Variants in ATG7 observed in about 807,000 individuals in gnomAD.
ATG7 encodes autophagy related 7, also known as ubiquitin-like modifier-activating enzyme ATG7.
ATG7 carries 70 observed loss-of-function variants against 82.4 expected under a neutral mutation model. The observed-to-expected ratio is 0.85, with a 90% CI of 0.70 to 1.04. The LOEUF is 1.04. Among genes scored for constraint, ATG7 ranks in the 50% least tolerant of loss-of-function variants. The pLI, the probability that ATG7 is intolerant of heterozygous loss-of-function variation, is 0.00. For missense variants in ATG7, 792 were observed against 864.3 expected, an observed-to-expected ratio of 0.92 and a Z score of 1.05; for synonymous variants, 287 against 313.0, an observed-to-expected ratio of 0.92 and a Z score of 0.88.
chr3:11,502,384 C>T (rs866059572), intron 20 of ATG7, among the ~76,000 whole-genome samples: 1,293 of 110,146 alleles, frequency 0.012, 15 homozygotes, highest in Middle Eastern at 0.031. Context: ...CTCCCCCCAC[C>T]CCACAACAGT....
At chr3:11,538,044 C>G (rs113124207) in intron 20 of ATG7, among the ~76,000 whole-genome samples, 1 of 152,180 alleles carries the variant, frequency 6.6e-6, no homozygotes, top group Non-Finnish European at 1.5e-5. Flanking sequence ...GTGTGGGATT[C>G]CAGATGACCC....
intron 19 of ATG7, among the ~76,000 whole-genome samples, chr3:11,424,290 T>A (rs1186890100): frequency 6.6e-6 from 1 of 152,134 alleles, no homozygotes; most frequent in African/African-American, 2.4e-5. Flanking sequence ...TATTTAAAAT[T>A]GTCTAATTTT....
chr3:11,477,137 C>A, intron 20 of ATG7: 1 of 1,289,822 alleles, frequency 7.8e-7, no homozygotes, highest in South Asian at 1.2e-5. Context: ...CTGCCAGCAT[C>A]TTTGAGATCT....
At chr3:11,316,199 T>C (rs1310197822) in intron 9 of ATG7, among the ~76,000 whole-genome samples, 1 of 152,180 alleles carries the variant, frequency 6.6e-6, no homozygotes, top group Non-Finnish European at 1.5e-5. Flanking sequence ...AGAATCTCCC[T>C]TGAACTACCC....
chr3:11,343,492 C>A (rs1953994015), intron 13 of ATG7, among the ~76,000 whole-genome samples: 2 of 152,150 alleles, frequency 1.3e-5, no homozygotes, highest in Admixed American at 6.5e-5. Context: ...GGGCAATTAA[C>A]CTTTTTTCTG....
chr3:11,568,982 C>G, the ATG7 span: 5 of 1,131,724 alleles, frequency 4.4e-6, no homozygotes, highest in African/African-American at 8.1e-5. The surrounding 1 kb of genome is among the most constrained non-coding windows in gnomAD (Gnocchi z 5.9). Context: ...GAAAGAGAGG[C>G]CTACAACACC....
intron 20 of ATG7, among the ~76,000 whole-genome samples, chr3:11,481,365 CTT>C (rs1203131426): frequency 6.6e-6 from 1 of 152,142 alleles, no homozygotes; most frequent in Non-Finnish European, 1.5e-5. Flanking sequence ...GGTTCTTACA[CTT>C]TTTTAAAGTC....
intron 20 of ATG7, among the ~76,000 whole-genome samples, chr3:11,458,899 G>A (rs1490804701): frequency 1.1e-4 from 16 of 152,172 alleles, no homozygotes; most frequent in Admixed American, 6.5e-5. Context: ...GATCAGCGGA[G>A]CATTAGATTC....
intron 20 of ATG7, among the ~76,000 whole-genome samples, chr3:11,507,350 A>G (rs1323436309): frequency 6.6e-6 from 1 of 152,242 alleles, no homozygotes; most frequent in Non-Finnish European, 1.5e-5. Context: ...GAAATTAATT[A>G]TGTTGAAATA....
At chr3:11,331,780 C>T (rs1951679671) in intron 10 of ATG7, among the ~76,000 whole-genome samples, 1 of 152,094 alleles carries the variant, frequency 6.6e-6, no homozygotes, top group African/African-American at 2.4e-5. Context: ...TTTTTCTTAA[C>T]CCTAAAATAA....
At chr3:11,491,768 C>A (rs1176062865) in intron 20 of ATG7, among the ~76,000 whole-genome samples, 1 of 152,150 alleles carries the variant, frequency 6.6e-6, no homozygotes, top group Admixed American at 6.6e-5. Flanking sequence ...GTACTAGCAG[C>A]GGTGTCTGCA....
intron 18 of ATG7, among the ~76,000 whole-genome samples, chr3:11,379,554 A>G (rs1575864139): frequency 6.6e-6 from 1 of 152,158 alleles, no homozygotes; most frequent in Admixed American, 6.5e-5. Context: ...GTGAGACCCC[A>G]CCCAAAATCA....
At chr3:11,420,346 CTTTT>C in intron 19 of ATG7, among the ~76,000 whole-genome samples, 1 of 151,962 alleles carries the variant, frequency 6.6e-6, no homozygotes. Context: ...TGGAGGAGGC[CTTTT>C]TTTGTTTTTT....
At chr3:11,312,920 G>A (rs1038313722) in intron 7 of ATG7, among the ~76,000 whole-genome samples, 2 of 151,990 alleles carry the variant, frequency 1.3e-5, no homozygotes, top group African/African-American at 4.8e-5. Flanking sequence ...TTGTTGTTTA[G>A]GTTTTTTACC....
chr3:11,350,811 G>A (rs549818353), intron 14 of ATG7, among the ~76,000 whole-genome samples: 15 of 151,476 alleles, frequency 9.9e-5, no homozygotes, highest in African/African-American at 2.2e-4. Context: ...TCTAGGCTGC[G>A]CACAGTGGCT....
At chr3:11,336,899 C>G (rs1952594189) in intron 11 of ATG7, among the ~76,000 whole-genome samples, 3 of 140,740 alleles carry the variant, frequency 2.1e-5, no homozygotes. Flanking sequence ...TCTTGAACTC[C>G]TGGGCTCAAG....
At chr3:11,444,926 A>G (rs1316006196) in intron 20 of ATG7, among the ~76,000 whole-genome samples, 1 of 152,264 alleles carries the variant, frequency 6.6e-6, no homozygotes, top group Non-Finnish European at 1.5e-5. Context: ...AAAAGAAGAC[A>G]TACATGTGGC....
chr3:11,277,891 A>AACC (rs1942170487), intron 1 of ATG7, among the ~76,000 whole-genome samples: 26 of 60,770 alleles, frequency 4.3e-4, no homozygotes, highest in Admixed American at 5.4e-4. Context: ...CCCTTTATAG[A>AACC]CCCCCCCCCC....
At chr3:11,307,886 A>C (rs1298826524) in intron 6 of ATG7, among the ~76,000 whole-genome samples, 1 of 152,124 alleles carries the variant, frequency 6.6e-6, no homozygotes, top group Non-Finnish European at 1.5e-5. Flanking sequence ...CGCAGCTGTG[A>C]CTCAGGAGAG....
Sources: gnomAD v4.1 joint callset for allele counts (sites outside exome capture counted in the v4.1 genomes callset) on GRCh38, gnomAD v4.1.1 for gene constraint, Gnocchi (gnomAD v3.1) non-coding constraint, MANE v1.5 for transcripts, NCBI Gene and HGNC (gene_info 2026-07-23, HGNC 2026-07-21) for gene names.